VGLL1: variants seen among roughly 807,000 people sequenced by gnomAD.
VGLL1 encodes vestigial like family member 1.
Under a neutral mutation model 12.0 loss-of-function variants are expected in VGLL1, and 4 were observed. The ratio of observed to expected loss-of-function variants is 0.33; its 90% confidence interval spans 0.16 to 0.76. VGLL1 has a LOEUF of 0.76. Among genes scored for constraint, VGLL1 ranks in the 30% least tolerant of loss-of-function variants. VGLL1 has a pLI of 0.60. For synonymous variants in VGLL1, 87 were observed against 81.2 expected, an observed-to-expected ratio of 1.07 and a Z score of -0.39; for missense variants, 204 against 208.7, an observed-to-expected ratio of 0.98 and a Z score of 0.14.
chrX:136,554,585 G>T (rs2075896341), intron 4 of VGLL1, among the ~76,000 whole-genome samples: 2 of 111,736 alleles, frequency 1.8e-5, no homozygotes, highest in African/African-American at 6.5e-5. Flanking sequence ...GATCACAAAA[G>T]CTGTTCTGTA....
intron 2 of VGLL1, among the ~76,000 whole-genome samples, chrX:136,546,714 ACG>A (rs2075870532): frequency 8.9e-6 from 1 of 112,663 alleles, no homozygotes; most frequent in African/African-American, 3.2e-5. Context: ...GTCAGGGGCT[ACG>A]CTTTGTTTCT....
At chrX:136,538,825 T>C (rs1401581022) in intron 2 of VGLL1, among the ~76,000 whole-genome samples, 7 of 102,791 alleles carry the variant, frequency 6.8e-5, no homozygotes, top group African/African-American at 2.2e-4. Context: ...GAGAATCTTG[T>C]GGGTTAAATA....
chrX:136,532,539 G>A (rs753613622), intron 1 of VGLL1, among the ~76,000 whole-genome samples: 23 of 110,384 alleles, frequency 2.1e-4, no homozygotes, highest in African/African-American at 6.9e-4. Context: ...TAGAGTTCTG[G>A]CCAAAATGCT....
rs2075902574 is a variant in VGLL1, at chrX:136,556,786, T to C, written c.*247T>C. 3.2e-6 allele frequency: 1 copy of C among 312,514 alleles called. No individual in the cohort carries two copies. Among genetic ancestry groups the C allele is most frequent in the Non-Finnish European group, 5.6e-6 (1 of 179,241 alleles). The allele number at this position is 312,514 out of a possible 1,213,427, so 25.8% of individuals were successfully genotyped here. A position where few individuals can be genotyped will look rare whatever the true frequency, so the allele number is the denominator to read the frequency against. ...CTCAGATGATGAATAATAATAAAAC[T>C]GTACTTTTTTGGATGGTGCTATGCC... On this transcript the variant is annotated 3_prime_UTR_variant, in exon 5 of 5. Transcript: ENST00000370634.
chrX:136,550,288 C>T (rs755487182), intron 3 of VGLL1, among the ~76,000 whole-genome samples: 3 of 112,690 alleles, frequency 2.7e-5, no homozygotes, highest in Non-Finnish European at 5.6e-5. Context: ...AGCCCTGTTT[C>T]GACAGTAGGT....
intron 4 of VGLL1, among the ~76,000 whole-genome samples, chrX:136,554,169 G>A (rs940735999): frequency 9.0e-6 from 1 of 111,435 alleles, no homozygotes; most frequent in Non-Finnish European, 1.9e-5. Flanking sequence ...TATGATAAGT[G>A]GAGTGAGGAA....
intron 4 of VGLL1, among the ~76,000 whole-genome samples, chrX:136,554,026 G>C (rs2075894522): frequency 8.9e-6 from 1 of 112,505 alleles, no homozygotes; most frequent in African/African-American, 3.2e-5. Flanking sequence ...CTAATTGCCA[G>C]ATACAGGACT....
chrX:136,543,538 G>C lies in VGLL1; in HGVS notation c.215-5051G>C, dbSNP rs2075861895. Among the ~76,000 whole-genome samples the C allele has an allele frequency of 1.8e-5, 2 of 111,189 alleles. 1 individual carries two copies. The highest frequency in any genetic ancestry group is 9.2e-3 in the Middle Eastern group (2 of 218). ...CTCATTCCTGTAATCGCAGCACTTT[G>C]GGAGGGCCAGGCATTCAAAACCAGA... is the stretch of plus-strand genomic sequence containing the variant. On this transcript the variant is annotated intron_variant, in intron 2 of 4. Transcript: ENST00000370634.
chrX:136,544,289 A>C (rs1569361342), intron 2 of VGLL1, among the ~76,000 whole-genome samples: 2 of 112,491 alleles, frequency 1.8e-5, no homozygotes, highest in Non-Finnish European at 1.9e-5. Context: ...TTGTGGGTAC[A>C]TTTTTACATG....
chrX:136,534,782 C>T (rs1379782359), intron 1 of VGLL1, among the ~76,000 whole-genome samples: 5 of 111,787 alleles, frequency 4.5e-5, no homozygotes, highest in African/African-American at 1.6e-4. Flanking sequence ...GCAATGGATT[C>T]GTTTTTGAGC....
chrX:136,547,383 A>G (rs747477939), intron 2 of VGLL1, among the ~76,000 whole-genome samples: 27 of 112,296 alleles, frequency 2.4e-4, no homozygotes, highest in Non-Finnish European at 4.5e-4. Context: ...AATAGTGTCT[A>G]TGGGACCAAA....
At chrX:136,546,027 C>T (rs1306155801) in intron 2 of VGLL1, among the ~76,000 whole-genome samples, 1 of 111,393 alleles carries the variant, frequency 9.0e-6, no homozygotes, top group African/African-American at 3.3e-5. Flanking sequence ...GCCATTTGTA[C>T]TCCTGCTGAA....
chrX:136,549,612 C>T (rs1012640629), intron 3 of VGLL1, among the ~76,000 whole-genome samples: 3 of 109,870 alleles, frequency 2.7e-5, no homozygotes, highest in Non-Finnish European at 5.7e-5. Flanking sequence ...TGCTCCCTGA[C>T]CACCACCCCT....
intron 2 of VGLL1, among the ~76,000 whole-genome samples, chrX:136,546,919 C>A (rs954242333): frequency 2.7e-5 from 3 of 112,906 alleles, no homozygotes; most frequent in African/African-American, 9.7e-5. Context: ...ATAAGAAGGG[C>A]CAACCATCCC....
intron 4 of VGLL1, among the ~76,000 whole-genome samples, chrX:136,555,236 T>C (rs942308367): frequency 8.9e-6 from 1 of 111,980 alleles, no homozygotes; most frequent in Non-Finnish European, 1.9e-5. Context: ...TAAGAAGAAA[T>C]TCCTATTGGA....
intron 3 of VGLL1, among the ~76,000 whole-genome samples, chrX:136,550,216 G>T (rs1212471529): frequency 8.9e-6 from 1 of 112,458 alleles, no homozygotes; most frequent in Non-Finnish European, 1.9e-5. Flanking sequence ...CTTTCCTACT[G>T]GATTCACAGG....
chrX:136,550,362 A>G (rs2075882258), intron 3 of VGLL1: 1 of 130,927 alleles, frequency 7.6e-6, no homozygotes, highest in African/African-American at 3.2e-5. Flanking sequence ...TTCAAGTCCA[A>G]TTCAGCAAAT....
At position 136,532,705 on chromosome X, in the gene VGLL1, C is replaced by CT. The variant is rs748455740; in HGVS notation, c.-26+421dup. On this transcript the variant is annotated intron_variant, in intron 1 of 4. Transcript: ENST00000370634. ...TTCTTTCTTTCATTTTTTGTTCTTT[C>CT]TTTTTTTTTTTTCAGAAGTGTGGGC... is the stretch of plus-strand genomic sequence containing the variant. Among the ~76,000 whole-genome samples, 15 of 72,201 alleles carry CT rather than the reference C, an allele frequency of 2.1e-4. No individual in the cohort carries two copies. The East Asian group carries it at 3.3e-3, about 16-fold the overall frequency. 62.7% of individuals were successfully genotyped at this position (72,201 alleles called of 115,157 possible). A position where few individuals can be genotyped will look rare whatever the true frequency, so the allele number is the denominator to read the frequency against.
intron 2 of VGLL1, among the ~76,000 whole-genome samples, chrX:136,543,749 T>C (rs2075862483): frequency 2.0e-5 from 1 of 49,660 alleles, no homozygotes; most frequent in Admixed American, 2.6e-4. Context: ...TGGGAGACAG[T>C]GAGACCCTGT....
Sources: gnomAD v4.1 joint callset for allele counts (sites outside exome capture counted in the v4.1 genomes callset) on GRCh38, gnomAD v4.1.1 for gene constraint, MANE v1.5 for transcripts, NCBI Gene and HGNC (gene_info 2026-07-23, HGNC 2026-07-21) for gene names.